Variants in CFAP47 observed in about 807,000 individuals in gnomAD.
CFAP47 encodes cilia- and flagella-associated protein 47.
In CFAP47, 29 loss-of-function variants were observed where a neutral mutation model predicts 148.1. That is an observed-to-expected ratio of 0.20 (90% CI 0.15 to 0.27). The LOEUF is 0.27. Ranked by LOEUF, CFAP47 falls within the 10% of genes least tolerant of loss-of-function variation. CFAP47 has a pLI of 1.00. For synonymous variants in CFAP47, 664 were observed against 577.3 expected (o/e 1.15, Z -2.15); for missense variants, 1,872 against 1,697.5 (o/e 1.10, Z -1.81).
intron 40 of CFAP47, among the ~76,000 whole-genome samples, chrX:36,187,992 G>A (rs1342478346): frequency 8.9e-6 from 1 of 111,803 alleles, no homozygotes; most frequent in Non-Finnish European, 1.9e-5. Flanking sequence ...GTAATTGACA[G>A]CTTATTGAGC....
intron 39 of CFAP47, among the ~76,000 whole-genome samples, chrX:36,161,933 A>G (rs1939436440): frequency 2.7e-5 from 3 of 112,327 alleles, no homozygotes; most frequent in African/African-American, 9.7e-5. Context: ...ACATTGGAGT[A>G]TAAGAAACAC....
chrX:36,379,599 A>G (rs1942059206), intron 63 of CFAP47, 81 bp downstream of exon 63: 1 of 750,136 alleles, frequency 1.3e-6, no homozygotes. Context: ...AGGTTTTACT[A>G]CATGGTGACA....
chrX:36,004,273 G>A (rs1357337887), intron 21 of CFAP47, among the ~76,000 whole-genome samples: 2 of 110,704 alleles, frequency 1.8e-5, no homozygotes, highest in African/African-American at 6.6e-5. Flanking sequence ...CACTGCACCA[G>A]ACCAAAAACC....
At chrX:36,077,173 G>C (rs1414846794) in intron 29 of CFAP47, among the ~76,000 whole-genome samples, 1 of 73,535 alleles carries the variant, frequency 1.4e-5, no homozygotes, top group Non-Finnish European at 2.4e-5. Context: ...AGGTAATACA[G>C]CGCCTCCAGC....
intron 33 of CFAP47, among the ~76,000 whole-genome samples, chrX:36,110,471 A>G (rs900336869): frequency 4.5e-5 from 5 of 110,524 alleles, no homozygotes; most frequent in African/African-American, 1.6e-4. Context: ...TGGTTTATGT[A>G]TCTGTTTTTG....
chrX:36,374,790 T>G lies in CFAP47; in HGVS notation c.9186-4560T>G, dbSNP rs1427853724. On this transcript the variant is annotated intron_variant, in intron 62 of 63. Transcript: ENST00000378653. ...ATTTTATTTGTAAATATGTATTACA[T>G]CTCTAGAAAAAGAATCCCAGGATTT... 25 of 806,426 alleles carry G rather than the reference T, an allele frequency of 3.1e-5. No homozygotes were observed. The Middle Eastern group carries it at 2.2e-3, about 70-fold the overall frequency. 66.5% of individuals were successfully genotyped at this position (806,426 alleles called of 1,213,427 possible). A position where few individuals can be genotyped will look rare whatever the true frequency, so the allele number is the denominator to read the frequency against.
In CFAP47 at chrX:36,151,970, G is replaced by A. The variant is rs756906025; in HGVS notation, c.5786+2747G>A. On this transcript the variant is annotated intron_variant, in intron 37 of 63. Coordinates refer to ENST00000378653, the MANE Select transcript of CFAP47 (RefSeq NM_001304548.2). ...TGGTACTTTCTTTCTGTGTCTTCAC[G>A]TGGTGGTAGGATCAAGGCAACTCTA... Among the ~76,000 whole-genome samples the A allele has an allele frequency of 3.4e-3, 378 of 111,077 alleles. 4 individuals carry two copies. Among genetic ancestry groups the A allele is most frequent in the African/African-American group, 0.012 (367 of 30,564 alleles).
intron 61 of CFAP47, 120 bp from the exon 62 acceptor site, chrX:36,366,846 C>T: frequency 2.8e-6 from 1 of 353,081 alleles, no homozygotes; most frequent in Non-Finnish European, 4.8e-6. Flanking sequence ...ATTAAATGTC[C>T]TAGTGTTTTC....
In CFAP47 at chrX:36,163,580, A is replaced by G. The variant is rs776141401; in HGVS notation, c.6026+2811A>G. 2.7e-5 allele frequency among the ~76,000 whole-genome samples: 3 copies of G among 110,644 alleles called. No homozygotes were observed. The South Asian group carries it at 1.1e-3, about 42-fold the overall frequency. ...TGAGCTTCATCTCATATGTTTTGGA[A>G]TGTGTTATTTTTATCTTCATTAATC... On this transcript the variant is annotated intron_variant, in intron 39 of 63. Coordinates refer to ENST00000378653, the MANE Select transcript of CFAP47 (RefSeq NM_001304548.2).
At position 36,040,803 on chromosome X, in the gene CFAP47, A is replaced by C. The variant is rs905363854; in HGVS notation, c.4007+1624A>C. The stretch of plus-strand genomic sequence containing the variant: ...TCAGGAGTGTATAATACAATCAAGT[A>C]CTATAAACACCATGTGGACATTAGA... On this transcript the variant is annotated intron_variant, in intron 25 of 63. Coordinates refer to ENST00000378653, the MANE Select transcript of CFAP47 (RefSeq NM_001304548.2). 1.5e-4 allele frequency among the ~76,000 whole-genome samples: 17 copies of C among 111,834 alleles called. 1 individual carries two copies. The Admixed American group carries it at 1.5e-3, about 10-fold the overall frequency.
At chrX:36,111,534 G>A (rs1251886766) in intron 33 of CFAP47, among the ~76,000 whole-genome samples, 1 of 111,782 alleles carries the variant, frequency 8.9e-6, no homozygotes, top group African/African-American at 3.3e-5. Flanking sequence ...TTGCATCGAT[G>A]TTCATCAAGG....
intron 19 of CFAP47, among the ~76,000 whole-genome samples, chrX:35,998,997 C>T (rs1026628406): frequency 1.8e-5 from 2 of 111,211 alleles, no homozygotes; most frequent in Non-Finnish European, 3.8e-5. Flanking sequence ...AATATTCACA[C>T]ATCACTAGAT....
chrX:36,118,620 C>T (rs1276022808), intron 33 of CFAP47, among the ~76,000 whole-genome samples: 1 of 110,207 alleles, frequency 9.1e-6, no homozygotes, highest in Non-Finnish European at 1.9e-5. Context: ...ACTGCAGGCA[C>T]CCGCCACCAT....
intron 15 of CFAP47, among the ~76,000 whole-genome samples, chrX:35,983,516 T>A (rs762672223): frequency 8.9e-6 from 1 of 112,042 alleles, no homozygotes; most frequent in African/African-American, 3.2e-5. Flanking sequence ...TAGAAATTCT[T>A]GTTTTGATCC....
At chrX:36,015,352 G>A (rs865874541) in intron 22 of CFAP47, among the ~76,000 whole-genome samples, 1 of 110,873 alleles carries the variant, frequency 9.0e-6, no homozygotes, top group Middle Eastern at 4.7e-3. Flanking sequence ...AAATTTGAAA[G>A]TTTTGCTGAA....
intron 48 of CFAP47, among the ~76,000 whole-genome samples, chrX:36,243,443 A>T (rs1191628879): frequency 2.7e-5 from 3 of 109,230 alleles, no homozygotes; most frequent in Non-Finnish European, 5.7e-5. Context: ...GACCCGTCTC[A>T]CATGTAACAA....
intron 45 of CFAP47, chrX:36,211,624 C>T (rs1602049012): frequency 3.7e-5 from 7 of 190,111 alleles, no homozygotes; most frequent in Non-Finnish European, 5.9e-5. Context: ...CCTGATGCAG[C>T]AAAAAAAAGG....
intron 8 of CFAP47, among the ~76,000 whole-genome samples, chrX:35,960,370 G>A (rs1378193313): frequency 1.8e-5 from 1 of 54,453 alleles, no homozygotes; most frequent in Non-Finnish European, 2.6e-5. Flanking sequence ...ACATTAGCTT[G>A]CTAATTTCTG....
At chrX:36,103,975 T>C (rs1938425387) in intron 32 of CFAP47, among the ~76,000 whole-genome samples, 1 of 112,072 alleles carries the variant, frequency 8.9e-6, no homozygotes, top group Admixed American at 9.5e-5. Flanking sequence ...ATGTAGTGAA[T>C]GGTGATATGA....
Sources: gnomAD v4.1 joint callset for allele counts (sites outside exome capture counted in the v4.1 genomes callset) on GRCh38, gnomAD v4.1.1 for gene constraint, MANE v1.5 for transcripts, NCBI Gene and HGNC (gene_info 2026-07-23, HGNC 2026-07-21) for gene names.